The following CADPS variants were observed in gnomAD, a reference collection of about 807,000 sequenced individuals.
CADPS encodes calcium dependent secretion activator, also known as calcium-dependent secretion activator 1.
CADPS carries 57 observed loss-of-function variants against 167.3 expected under a neutral mutation model. The ratio of observed to expected loss-of-function variants is 0.34; its 90% CI spans 0.28 to 0.42. CADPS has a LOEUF of 0.42. Among genes scored for constraint, CADPS ranks in the 20% least tolerant of loss-of-function variants. CADPS has a pLI of 1.00. For missense variants in CADPS, 1,414 were observed against 1,738.1 expected, an observed-to-expected ratio of 0.81 and a Z score of 3.32; for synonymous variants, 676 against 635.3, an observed-to-expected ratio of 1.06 and a Z score of -0.96.
chr3:62,873,680 A>C (rs2083079994), intron 1 of CADPS, among the ~76,000 whole-genome samples: 1 of 147,980 alleles, frequency 6.8e-6, no homozygotes, highest in Non-Finnish European at 1.5e-5. Flanking sequence ...CCCCAGCCTC[A>C]GACAGAAAAA....
At chr3:62,414,881 C>T (rs1294569456) in intron 28 of CADPS, among the ~76,000 whole-genome samples, 2 of 151,794 alleles carry the variant, frequency 1.3e-5, no homozygotes, top group East Asian at 1.9e-4. Context: ...TTGTTCCCAA[C>T]CCCCCCAAAC....
intron 3 of CADPS, among the ~76,000 whole-genome samples, chr3:62,746,446 C>T (rs1034295395): frequency 6.6e-6 from 1 of 152,116 alleles, no homozygotes; most frequent in African/African-American, 2.4e-5. Flanking sequence ...AGCGATTCTC[C>T]CACCTTGGCC....
intron 6 of CADPS, among the ~76,000 whole-genome samples, chr3:62,642,892 C>G (rs2067712022): frequency 1.3e-5 from 2 of 151,694 alleles, no homozygotes; most frequent in African/African-American, 4.8e-5. Flanking sequence ...GCCTGGGTGA[C>G]AGAGTAAGAC....
At chr3:62,843,180 T>C (rs1172072608) in intron 1 of CADPS, among the ~76,000 whole-genome samples, 1 of 152,172 alleles carries the variant, frequency 6.6e-6, no homozygotes, top group African/African-American at 2.4e-5. Context: ...ACAGAAATGA[T>C]GCAGTTTAAA....
At chr3:62,856,326 A>T (rs1013493351) in intron 1 of CADPS, among the ~76,000 whole-genome samples, 1 of 152,148 alleles carries the variant, frequency 6.6e-6, no homozygotes, top group Admixed American at 6.6e-5. Context: ...CTACAAAAAT[A>T]AATTGAGGCA....
chr3:62,709,753 ATTT>A lies in CADPS; in HGVS notation c.888+43685_888+43687del, dbSNP rs1460466283. On this transcript the variant is annotated intron_variant, in intron 3 of 29. Transcript: ENST00000383710. ...TGAAGATGGAGGACCACTGGGTTTT[ATTT>A]TTATTTTATTTATGTATTTATTATT... Among the ~76,000 whole-genome samples, 134 of 149,756 alleles carry A rather than the reference ATTT, an allele frequency of 8.9e-4. 2 individuals are homozygous for A. Among genetic ancestry groups the A allele is most frequent in the African/African-American group, 3.2e-3 (131 of 40,520 alleles).
intron 7 of CADPS, among the ~76,000 whole-genome samples, chr3:62,589,069 GA>G (rs1227505920): frequency 2.6e-5 from 2 of 77,180 alleles, no homozygotes; most frequent in Non-Finnish European, 7.1e-5. Context: ...CAATGTGCAT[GA>G]ATTTTTTTTT....
intron 7 of CADPS, among the ~76,000 whole-genome samples, chr3:62,590,518 T>A (rs144224552): frequency 5.3e-5 from 8 of 152,348 alleles, no homozygotes; most frequent in Admixed American, 2.0e-4. Context: ...GTAGGGACAC[T>A]GTTTTTTTGT....
At chr3:62,413,777 A>G (rs1355852283) in intron 28 of CADPS, among the ~76,000 whole-genome samples, 1 of 152,240 alleles carries the variant, frequency 6.6e-6, no homozygotes, top group Non-Finnish European at 1.5e-5. Context: ...TGACAATTAA[A>G]AGAAAGATGG....
intron 3 of CADPS, among the ~76,000 whole-genome samples, chr3:62,701,598 A>G: frequency 8.1e-6 from 1 of 122,848 alleles, no homozygotes; most frequent in East Asian, 2.7e-4. Flanking sequence ...ACAGAACAAG[A>G]CTCAGTCTAA....
intron 1 of CADPS, among the ~76,000 whole-genome samples, chr3:62,789,368 T>C (rs1207769148): frequency 6.6e-6 from 1 of 152,188 alleles, no homozygotes; most frequent in Non-Finnish European, 1.5e-5. Flanking sequence ...AAGCCAATGT[T>C]CTTAATAAAC....
chr3:62,660,065 G>C (rs1030245770), intron 4 of CADPS, among the ~76,000 whole-genome samples: 4 of 152,156 alleles, frequency 2.6e-5, no homozygotes, highest in Non-Finnish European at 5.9e-5. Flanking sequence ...GGTGGGGGTT[G>C]GGGGAGAGAG....
intron 6 of CADPS, among the ~76,000 whole-genome samples, chr3:62,593,424 C>T (rs1000643897): frequency 6.6e-6 from 1 of 152,186 alleles, no homozygotes; most frequent in Admixed American, 6.5e-5. Flanking sequence ...CACATGAGCC[C>T]TTGATGTGCC....
At chr3:62,578,711 G>T (rs965711209) in intron 8 of CADPS, among the ~76,000 whole-genome samples, 1 of 151,810 alleles carries the variant, frequency 6.6e-6, no homozygotes, top group Admixed American at 6.6e-5. Flanking sequence ...GAACTACAAG[G>T]AGAAACAAAT....
intron 4 of CADPS, among the ~76,000 whole-genome samples, chr3:62,654,662 A>G (rs1393138815): frequency 2.0e-5 from 3 of 152,148 alleles, no homozygotes; most frequent in Non-Finnish European, 4.4e-5. Context: ...AAAGGCTGTC[A>G]CGGAACAAAG....
At chr3:62,795,892 A>G (rs1349424705) in intron 1 of CADPS, among the ~76,000 whole-genome samples, 2 of 152,208 alleles carry the variant, frequency 1.3e-5, no homozygotes, top group Admixed American at 6.6e-5. Context: ...GACTGGGACC[A>G]TATTCCAGGT....
intron 1 of CADPS, among the ~76,000 whole-genome samples, chr3:62,840,107 A>G (rs946460769): frequency 1.3e-5 from 2 of 152,232 alleles, no homozygotes; most frequent in African/African-American, 4.8e-5. Flanking sequence ...TTCATAAACT[A>G]CAAAAAAGCT....
At chr3:62,409,023 C>G (rs2048439649) in intron 28 of CADPS, among the ~76,000 whole-genome samples, 1 of 152,172 alleles carries the variant, frequency 6.6e-6, no homozygotes, top group Admixed American at 6.5e-5. Flanking sequence ...GAACATGGAG[C>G]CCTTATAATG....
chr3:62,606,985 A>T (rs1205336860), intron 6 of CADPS, among the ~76,000 whole-genome samples: 2 of 152,238 alleles, frequency 1.3e-5, no homozygotes, highest in Admixed American at 6.5e-5. Context: ...AATGAGAATA[A>T]ATGACTATGG....
Sources: gnomAD v4.1 joint callset for allele counts (sites outside exome capture counted in the v4.1 genomes callset) on GRCh38, gnomAD v4.1.1 for gene constraint, MANE v1.5 for transcripts, NCBI Gene and HGNC (gene_info 2026-07-23, HGNC 2026-07-21) for gene names.